MSH3: variants seen among roughly 807,000 people sequenced by gnomAD.
MSH3 encodes DNA mismatch repair protein Msh3.
Under a neutral mutation model 123.3 loss-of-function variants are expected in MSH3, and 106 were observed. The observed-to-expected ratio is 0.86, with a 90% CI of 0.73 to 1.01. The LOEUF (loss-of-function observed/expected upper bound fraction) is 1.01. MSH3 is among the 50% of genes least tolerant of loss of function. MSH3 has a pLI of 0.00. For missense variants in MSH3, 1,459 were observed against 1,347.6 expected, an observed-to-expected ratio of 1.08 and a Z score of -1.29; for synonymous variants, 515 against 481.4, an observed-to-expected ratio of 1.07 and a Z score of -0.91.
rs529394454 is a variant in MSH3 at position 80,873,216 on chromosome 5, T to C, written c.3231T>C (p.Asp1077=). Reference sequence around the variant, plus strand: ...GATTAAATGTGGCTAAACTAGCAGATGTTCCTGGAGAAATTTTGAAGAAAG... The same window carrying C: ...GATTAAATGTGGCTAAACTAGCAGACGTTCCTGGAGAAATTTTGAAGAAAG... ...SYGLNVAKLA[D]VPGEILKKAA... is the part of the protein sequence containing the mutation. Residue 1077 remains aspartate (D), a synonymous_variant, in exon 23 of 24, where the codon GAT becomes GAC. Coordinates refer to ENST00000265081, the MANE Select transcript of MSH3 (RefSeq NM_002439.5). 115 of 1,614,024 alleles carry C rather than the reference T, an allele frequency of 7.1e-5. 1 individual carries two copies. In the Middle Eastern group the frequency reaches 3.3e-3, roughly 46 times the overall value.
At chr5:80,759,696 T>A (rs1347439725) in intron 12 of MSH3, among the ~76,000 whole-genome samples, 1 of 151,992 alleles carries the variant, frequency 6.6e-6, no homozygotes, top group African/African-American at 2.4e-5. Flanking sequence ...CAGGCTGCAG[T>A]GTGGAGAATG....
chr5:80,807,473 G>A (rs1168588190), intron 19 of MSH3, among the ~76,000 whole-genome samples: 1 of 152,150 alleles, frequency 6.6e-6, no homozygotes, highest in Non-Finnish European at 1.5e-5. Flanking sequence ...AGTGACAGAG[G>A]TCATAGTGAT....
At chr5:80,759,937 T>C (rs971754830) in intron 12 of MSH3, among the ~76,000 whole-genome samples, 3 of 151,874 alleles carry the variant, frequency 2.0e-5, no homozygotes, top group African/African-American at 7.3e-5. Context: ...CAGAGAAAAA[T>C]GGAACAAAAA....
chr5:80,682,870 C>T (rs1750001748), intron 8 of MSH3, among the ~76,000 whole-genome samples: 1 of 152,084 alleles, frequency 6.6e-6, no homozygotes, highest in African/African-American at 2.4e-5. Context: ...CCCTTCTCAG[C>T]CTCTGGTAGC....
intron 19 of MSH3, among the ~76,000 whole-genome samples, chr5:80,807,486 T>C (rs966633683): frequency 6.6e-6 from 1 of 152,152 alleles, no homozygotes; most frequent in Non-Finnish European, 1.5e-5. Context: ...ATAGTGATGG[T>C]GGGTTAAATC....
intron 23 of MSH3, among the ~76,000 whole-genome samples, chr5:80,874,300 G>A (rs1253361061): frequency 1.3e-5 from 2 of 152,020 alleles, no homozygotes; most frequent in Admixed American, 6.6e-5. Flanking sequence ...CTGTGCTTCC[G>A]CCTTGCACTC....
chr5:80,729,173 T>C (rs1198538974), intron 10 of MSH3, among the ~76,000 whole-genome samples: 1 of 152,000 alleles, frequency 6.6e-6, no homozygotes, highest in Non-Finnish European at 1.5e-5. Context: ...CCCAGCACTT[T>C]GGGAGGCCGA....
intron 21 of MSH3, chr5:80,855,873 C>CTTTTTTTTTTTTTTTTTTTTTTTTTTTT (rs5869058): frequency 1.9e-5 from 2 of 107,136 alleles, no homozygotes. Flanking sequence ...TCCTCCTCCT[C>CTTTTTTTTTTTTTTTTTTTTTTTTTTTT]TTTTTTTTTT....
At chr5:80,774,621 A>G (rs888813052) in intron 15 of MSH3, among the ~76,000 whole-genome samples, 15 of 152,330 alleles carry the variant, frequency 9.8e-5, no homozygotes, top group African/African-American at 3.4e-4. Context: ...ACAGAGTACT[A>G]TACAGCCATA....
intron 17 of MSH3, among the ~76,000 whole-genome samples, chr5:80,784,038 C>T (rs572096735): frequency 4.6e-5 from 7 of 151,544 alleles, no homozygotes; most frequent in East Asian, 1.9e-4. Context: ...GGGGAAACCC[C>T]GTCTCTACTA....
At chr5:80,693,610 T>C (rs1018204129) in intron 8 of MSH3, among the ~76,000 whole-genome samples, 57 of 129,382 alleles carry the variant, frequency 4.4e-4, no homozygotes, top group Admixed American at 3.6e-3. Context: ...CATACATATA[T>C]ACACACACAC....
chr5:80,753,826 A>T (rs1056594490), intron 12 of MSH3, among the ~76,000 whole-genome samples: 1 of 152,168 alleles, frequency 6.6e-6, no homozygotes, highest in Non-Finnish European at 1.5e-5. Flanking sequence ...GAGAACTGAT[A>T]TTCAGCAGTG....
intron 3 of MSH3, 94 bp downstream of exon 3, chr5:80,665,457 C>T: frequency 1.0e-6 from 1 of 958,642 alleles, no homozygotes; most frequent in Non-Finnish European, 1.6e-6. Flanking sequence ...GCAATGGTTC[C>T]TAAACTTGGA....
intron 8 of MSH3, among the ~76,000 whole-genome samples, chr5:80,680,573 G>GT (rs547135113): frequency 0.1 from 14,557 of 143,904 alleles, 814 homozygotes; most frequent in Non-Finnish European, 0.13. Flanking sequence ...CTATTCTGTG[G>GT]TTTTTTTTTT....
At chr5:80,749,772 TA>T (rs1227597966) in intron 12 of MSH3, among the ~76,000 whole-genome samples, 1 of 152,148 alleles carries the variant, frequency 6.6e-6, no homozygotes, top group Non-Finnish European at 1.5e-5. Context: ...TACAATGCAT[TA>T]ACTATAGTCA....
intron 15 of MSH3, among the ~76,000 whole-genome samples, chr5:80,770,046 A>G (rs1471119082): frequency 6.6e-6 from 1 of 152,170 alleles, no homozygotes; most frequent in Non-Finnish European, 1.5e-5. Context: ...TATATAACAG[A>G]AAAATGATTT....
chr5:80,689,244 T>C (rs1399166041), intron 8 of MSH3, among the ~76,000 whole-genome samples: 1 of 152,198 alleles, frequency 6.6e-6, no homozygotes, highest in African/African-American at 2.4e-5. Context: ...TGGAGCTGTT[T>C]CATTGAGGAT....
chr5:80,714,765 A>G (rs1037317870), intron 8 of MSH3, among the ~76,000 whole-genome samples: 1 of 151,854 alleles, frequency 6.6e-6, no homozygotes, highest in East Asian at 1.9e-4. Context: ...GAACTTGTCT[A>G]AAAACATTGT....
At chr5:80,806,993 A>C (rs1015326762) in intron 19 of MSH3, among the ~76,000 whole-genome samples, 21 of 152,062 alleles carry the variant, frequency 1.4e-4, no homozygotes, top group Non-Finnish European at 2.9e-5. Flanking sequence ...ACTTGAGCCC[A>C]GGAGTTCAAG....
Sources: allele counts gnomAD v4.1 joint callset (sites outside exome capture counted in the v4.1 genomes callset), GRCh38; gene constraint gnomAD v4.1.1; transcripts MANE v1.5; gene names NCBI Gene and HGNC (gene_info 2026-07-23, HGNC 2026-07-21).